NCKAP1: variants seen among roughly 807,000 people sequenced by gnomAD.
NCKAP1 encodes NCK associated protein 1.
Under a neutral mutation model 151.2 loss-of-function variants are expected in NCKAP1, and 21 were observed. The ratio of observed to expected loss-of-function variants is 0.14; its 90% CI spans 0.10 to 0.20. NCKAP1 has a LOEUF of 0.20. Ranked by LOEUF, NCKAP1 falls within the 10% of genes least tolerant of loss-of-function variation. The pLI, the probability that NCKAP1 is intolerant of heterozygous loss-of-function variation, is 1.00. For synonymous variants in NCKAP1, 484 were observed against 451.8 expected, an observed-to-expected ratio of 1.07 and a Z score of -0.90; for missense variants, 933 against 1,352.1, an observed-to-expected ratio of 0.69 and a Z score of 4.86.
chr2:182,959,171 G>GA (rs889710886), intron 18 of NCKAP1, among the ~76,000 whole-genome samples: 1 of 152,016 alleles, frequency 6.6e-6, no homozygotes, highest in Non-Finnish European at 1.5e-5. Context: ...GGTATTTGGG[G>GA]AAAAAAATGC....
chr2:182,922,275 G>A lies in NCKAP1; in HGVS notation c.*3427C>T, dbSNP rs889124684. On this transcript the variant is annotated 3_prime_UTR_variant, in exon 31 of 31. Coordinates refer to ENST00000361354, the MANE Select transcript of NCKAP1 (RefSeq NM_013436.5). ...TGGGCTTCATTTAGAAGGCCTGATG[G>A]TGTACAACAGACTTTACATTTTCAC... 1.3e-5 allele frequency: 2 copies of A among 152,208 alleles called. No individual in the cohort carries two copies. Among genetic ancestry groups the A allele is most frequent in the African/African-American group, 2.4e-5 (1 of 41,444 alleles). 9.4% of individuals were successfully genotyped at this position (152,208 alleles called of 1,614,324 possible).
rs563661588 is a variant in NCKAP1, at chr2:182,913,758, G to A, written c.*11944C>T. 6.6e-6 allele frequency: 1 copy of A among 152,300 alleles called. No individual in the cohort carries two copies. The highest frequency in any genetic ancestry group is 1.5e-5 in the Non-Finnish European group (1 of 68,044). 9.4% of individuals were successfully genotyped at this position (152,300 alleles called of 1,614,324 possible). A position where few individuals can be genotyped will look rare whatever the true frequency, so the allele number is the denominator to read the frequency against. ...TCAAATTAATTAAAATGAAAAAAGA[G>A]TCTACTTCCTAATTCTCATCCTCTC... On this transcript the variant is annotated 3_prime_UTR_variant, in exon 31 of 31. Coordinates refer to ENST00000361354, the MANE Select transcript of NCKAP1 (RefSeq NM_013436.5).
At chr2:183,018,685 A>G (rs1308485470) in intron 2 of NCKAP1, among the ~76,000 whole-genome samples, 1 of 152,228 alleles carries the variant, frequency 6.6e-6, no homozygotes, top group Non-Finnish European at 1.5e-5. Context: ...CATTAACTCC[A>G]TAACTTTTAA....
In NCKAP1 at chr2:182,981,297, A is replaced by G; in HGVS notation, c.1288T>C (p.Tyr430His). 1 of 1,613,628 alleles carries G rather than the reference A, an allele frequency of 6.2e-7. No homozygotes were observed. The highest frequency in any genetic ancestry group is 1.7e-5 in the Admixed American group (1 of 60,012). The change falls in exon 13 of 31, where the codon TAC (tyrosine) becomes CAC (histidine). Residue 430 changes from tyrosine (Y) to histidine (H), a missense_variant. Physicochemically the swap from Tyr to His is moderately conservative, Grantham distance 83. Coordinates refer to ENST00000361354, the MANE Select transcript of NCKAP1 (RefSeq NM_013436.5). ...TCAAAGCCAGAAAGGTACTGCACGT[A>G]ATACCTCTGCATTACAGGTCCGTAT... ...RKYGPVMQRY[Y>H]VQYLSGFDAV...
rs80099669 is a variant in NCKAP1, at chr2:182,912,253, G to A, written c.*13449C>T. The A allele has an allele frequency of 6.6e-6, 1 of 152,108 alleles. No individual in the cohort carries two copies. The highest frequency in any genetic ancestry group is 1.9e-4 in the East Asian group (1 of 5,198). The allele number at this position is 152,108 out of a possible 1,614,324, so 9.4% of individuals were successfully genotyped here. On this transcript the variant is annotated 3_prime_UTR_variant, in exon 31 of 31. Coordinates refer to ENST00000361354, the MANE Select transcript of NCKAP1 (RefSeq NM_013436.5). ...TTTAAGGCAACATGTTGCCCATTACGTATTAATAAACTGGATTCAACAAAG... is the reference window on the plus strand; with the variant it reads ...TTTAAGGCAACATGTTGCCCATTACATATTAATAAACTGGATTCAACAAAG...
intron 8 of NCKAP1, among the ~76,000 whole-genome samples, chr2:182,994,498 G>C (rs1698228399): frequency 6.6e-6 from 1 of 152,030 alleles, no homozygotes. Flanking sequence ...AATTAGCCAG[G>C]CATGGTAGCG....
rs1024623626 is a variant in NCKAP1 at position 182,910,155 on chromosome 2, G to A, written c.*15547C>T. ...TATCTTGGAGGACTGCAGGTGCCCTGGTAGCCAAAAGGGCTCTAAGTTCAA... is the reference window on the plus strand; with the variant it reads ...TATCTTGGAGGACTGCAGGTGCCCTAGTAGCCAAAAGGGCTCTAAGTTCAA... On this transcript the variant is annotated 3_prime_UTR_variant, in exon 31 of 31. Transcript: ENST00000361354. The A allele has an allele frequency of 3.3e-5, 5 of 152,170 alleles. No individual in the cohort carries two copies. Among genetic ancestry groups the A allele is most frequent in the Non-Finnish European group, 4.4e-5 (3 of 68,058 alleles). The allele number at this position is 152,170 out of a possible 1,614,324, so 9.4% of individuals were successfully genotyped here. A position where few individuals can be genotyped will look rare whatever the true frequency, so the allele number is the denominator to read the frequency against.
chr2:182,989,634 C>T (rs568900210), intron 8 of NCKAP1, among the ~76,000 whole-genome samples: 34 of 152,106 alleles, frequency 2.2e-4, no homozygotes, highest in Non-Finnish European at 2.5e-4. Context: ...ATTGCTTGAG[C>T]CCAGGAGGCA....
At chr2:182,997,836 T>C (rs1346349240) in intron 6 of NCKAP1, among the ~76,000 whole-genome samples, 1 of 151,990 alleles carries the variant, frequency 6.6e-6, no homozygotes, top group Non-Finnish European at 1.5e-5. Context: ...GAGTCCAATA[T>C]CATCCTGGTA....
chr2:182,973,611 C>T (rs772704901), intron 15 of NCKAP1, among the ~76,000 whole-genome samples: 2 of 152,174 alleles, frequency 1.3e-5, no homozygotes, highest in Non-Finnish European at 2.9e-5. Flanking sequence ...CAAAGGCTTA[C>T]TCTTCTGGTC....
intron 8 of NCKAP1, among the ~76,000 whole-genome samples, chr2:182,991,128 T>C (rs1698162643): frequency 6.6e-6 from 1 of 152,180 alleles, no homozygotes; most frequent in African/African-American, 2.4e-5. Flanking sequence ...ACAAAATACT[T>C]GCTACTACTA....
In NCKAP1 at chr2:182,956,612, C is replaced by G. The variant is rs113233157; in HGVS notation, c.2022-19G>C. 1.5e-4 allele frequency: 233 copies of G among 1,592,448 alleles called. No homozygotes were observed. The African/African-American group carries it at 2.6e-3, about 18-fold the overall frequency. The stretch of plus-strand genomic sequence containing the variant: ...ATCAAGGCTGAAAAAAATTAATAAA[C>G]AGTTAAAATGTTCACATGTCATCAC... On this transcript the variant is annotated intron_variant, in intron 19 of 30. Transcript: ENST00000361354.
At chr2:183,015,211 G>T (rs1698660728) in intron 2 of NCKAP1, among the ~76,000 whole-genome samples, 1 of 152,056 alleles carries the variant, frequency 6.6e-6, no homozygotes, top group Non-Finnish European at 1.5e-5. Flanking sequence ...ATATAAAAAG[G>T]ATAAGAAAGG....
intron 20 of NCKAP1, among the ~76,000 whole-genome samples, 171 bp from the exon 21 acceptor site, chr2:182,953,502 A>G (rs986731834): frequency 9.2e-5 from 14 of 152,314 alleles, no homozygotes; most frequent in African/African-American, 3.4e-4. Flanking sequence ...GAAACAGCGT[A>G]AAAAAAGAAT....
intron 18 of NCKAP1, among the ~76,000 whole-genome samples, chr2:182,958,894 C>T (rs936504710): frequency 3.9e-5 from 6 of 152,154 alleles, no homozygotes; most frequent in Admixed American, 1.3e-4. Context: ...ATAAGATAAA[C>T]ACCAGATTTC....
At chr2:183,032,357 C>G (rs1298966273) in intron 1 of NCKAP1, among the ~76,000 whole-genome samples, 4 of 152,180 alleles carry the variant, frequency 2.6e-5, no homozygotes. Flanking sequence ...ATTTTATACT[C>G]TAACACAGTC....
chr2:183,005,994 T>C (rs939461494), intron 2 of NCKAP1, among the ~76,000 whole-genome samples: 1 of 152,188 alleles, frequency 6.6e-6, no homozygotes, highest in Admixed American at 6.5e-5. Flanking sequence ...ACAGCAGCTA[T>C]CACTTTCTAT....
At chr2:183,018,301 C>A (rs1698733567) in intron 2 of NCKAP1, among the ~76,000 whole-genome samples, 1 of 152,052 alleles carries the variant, frequency 6.6e-6, no homozygotes, top group South Asian at 2.1e-4. Flanking sequence ...ATAATTTGCC[C>A]AAAATTATCC....
At chr2:183,016,691 G>A (rs1698694543) in intron 2 of NCKAP1, among the ~76,000 whole-genome samples, 2 of 152,212 alleles carry the variant, frequency 1.3e-5, no homozygotes. Context: ...CCAGTCAAGA[G>A]GGATTCAAAG....
Sources: allele counts gnomAD v4.1 joint callset (sites outside exome capture counted in the v4.1 genomes callset), GRCh38; gene constraint gnomAD v4.1.1; transcripts MANE v1.5; gene names NCBI Gene and HGNC (gene_info 2026-07-23, HGNC 2026-07-21).